AFG2A: variants seen among roughly 807,000 people sequenced by gnomAD.
The protein encoded by AFG2A is AAA ATPase AFG2A.
At chr4:123,229,683 G>A in the AFG2A span, among the ~76,000 whole-genome samples, 1 of 151,962 alleles carries the variant, frequency 6.6e-6, no homozygotes, top group African/African-American at 2.4e-5. Flanking sequence ...CTGGGATGAT[G>A]GAAATGCCGT....
chr4:123,271,287 T>A, the AFG2A span, among the ~76,000 whole-genome samples: 53 of 152,232 alleles, frequency 3.5e-4, no homozygotes, highest in African/African-American at 1.2e-3. Flanking sequence ...ATTTCCCAAC[T>A]TTGTAAGAAA....
the AFG2A span, among the ~76,000 whole-genome samples, chr4:123,218,687 A>T: frequency 6.7e-6 from 1 of 150,364 alleles, no homozygotes; most frequent in African/African-American, 2.5e-5. Flanking sequence ...ATACATACAT[A>T]CATACAGTGG....
chr4:123,058,405 A>G, the AFG2A span, among the ~76,000 whole-genome samples: 1 of 152,170 alleles, frequency 6.6e-6, no homozygotes, highest in African/African-American at 2.4e-5. Flanking sequence ...TGGGCGAATC[A>G]TTTGAGGTCA....
At chr4:123,121,801 C>T in the AFG2A span, among the ~76,000 whole-genome samples, 1 of 152,140 alleles carries the variant, frequency 6.6e-6, no homozygotes, top group Non-Finnish European at 1.5e-5. Flanking sequence ...TGTTCTGTAA[C>T]TTTCTTGGCC....
the AFG2A span, among the ~76,000 whole-genome samples, chr4:123,036,138 C>T: frequency 6.6e-6 from 1 of 152,114 alleles, no homozygotes; most frequent in Non-Finnish European, 1.5e-5. Flanking sequence ...AGGCACTGTG[C>T]ATAGTAAACA....
At chr4:123,050,558 C>A in the AFG2A span, among the ~76,000 whole-genome samples, 3 of 151,994 alleles carry the variant, frequency 2.0e-5, no homozygotes, top group Non-Finnish European at 4.4e-5. Context: ...TATATAATGA[C>A]TTTCTTTGTC....
At chr4:123,149,955 C>G in the AFG2A span, among the ~76,000 whole-genome samples, 5 of 151,776 alleles carry the variant, frequency 3.3e-5, no homozygotes, top group Admixed American at 6.6e-5. Context: ...TACAGGCACA[C>G]GCCTGTAGTT....
the AFG2A span, among the ~76,000 whole-genome samples, chr4:123,001,168 TA>T: frequency 5.0e-4 from 74 of 148,462 alleles, no homozygotes; most frequent in Admixed American, 4.6e-3. Flanking sequence ...TATCATTTTT[TA>T]TTGCGTTTAT....
the AFG2A span, among the ~76,000 whole-genome samples, chr4:123,151,853 A>G: frequency 1.3e-5 from 2 of 152,204 alleles, no homozygotes; most frequent in African/African-American, 2.4e-5. Flanking sequence ...ACTATTCACA[A>G]TAGTAAAAAC....
the AFG2A span, among the ~76,000 whole-genome samples, chr4:123,068,129 A>C: frequency 6.6e-6 from 1 of 152,216 alleles, no homozygotes; most frequent in African/African-American, 2.4e-5. Context: ...CAGATAATAA[A>C]GTCTTATGAA....
chr4:123,225,794 C>T, the AFG2A span, among the ~76,000 whole-genome samples: 2 of 152,128 alleles, frequency 1.3e-5, no homozygotes, highest in Non-Finnish European at 2.9e-5. Flanking sequence ...CTGTAAATTA[C>T]CTTGGGCAGT....
the AFG2A span, among the ~76,000 whole-genome samples, chr4:123,053,536 G>A: frequency 6.6e-6 from 1 of 152,230 alleles, no homozygotes; most frequent in African/African-American, 2.4e-5. Flanking sequence ...GCATCACTCA[G>A]CTGGTCATTG....
At chr4:122,931,625 G>A in the AFG2A span, among the ~76,000 whole-genome samples, 1 of 152,138 alleles carries the variant, frequency 6.6e-6, no homozygotes, top group African/African-American at 2.4e-5. Flanking sequence ...ATTTAGAAGT[G>A]TTAGAAATGT....
chr4:123,282,437 G>T, the AFG2A span, among the ~76,000 whole-genome samples: 1 of 152,090 alleles, frequency 6.6e-6, no homozygotes, highest in Non-Finnish European at 1.5e-5. Context: ...TTTCTTACTG[G>T]GTTAGGGAGA....
At chr4:123,264,173 G>A in the AFG2A span, among the ~76,000 whole-genome samples, 1 of 152,130 alleles carries the variant, frequency 6.6e-6, no homozygotes, top group Non-Finnish European at 1.5e-5. Context: ...GTATGCAAAG[G>A]CATAAGAATG....
chr4:123,250,302 T>C, the AFG2A span, among the ~76,000 whole-genome samples: 3 of 152,134 alleles, frequency 2.0e-5, no homozygotes, highest in Non-Finnish European at 4.4e-5. Context: ...ATGTTTTGAG[T>C]CCTTGATATA....
At chr4:123,318,782 G>GGA in the AFG2A span, 93,939 of 150,450 alleles carry the variant, frequency 0.62, 32,397 homozygotes, top group Non-Finnish European at 0.76. Flanking sequence ...AAAAAGGGGG[G>GGA]AACAGTGTAT....
chr4:123,137,222 G>A, the AFG2A span, among the ~76,000 whole-genome samples: 1 of 152,110 alleles, frequency 6.6e-6, no homozygotes, highest in African/African-American at 2.4e-5. Flanking sequence ...CCACAACCCG[G>A]GGGTTGATGA....
chr4:122,993,762 T>C, the AFG2A span, among the ~76,000 whole-genome samples: 170 of 152,076 alleles, frequency 1.1e-3, no homozygotes, highest in African/African-American at 4.0e-3. Flanking sequence ...AAGATCTTTA[T>C]TGTCAGAAAT....
Sources: allele counts gnomAD v4.1 joint callset (sites outside exome capture counted in the v4.1 genomes callset), GRCh38; gene constraint gnomAD v4.1.1; transcripts MANE v1.5; gene names NCBI Gene and HGNC (gene_info 2026-07-23, HGNC 2026-07-21).